The following RECQL5 variants were observed in gnomAD, a reference collection of about 807,000 sequenced individuals.
The protein encoded by RECQL5 is ATP-dependent DNA helicase Q5.
RECQL5 carries 88 observed loss-of-function variants against 103.4 expected under a neutral mutation model. The observed-to-expected ratio is 0.85, with a 90% CI of 0.72 to 1.02. The LOEUF (loss-of-function observed/expected upper bound fraction) is 1.02, where lower values mean the gene tolerates loss of function less well. Ranked by LOEUF, RECQL5 falls within the 50% of genes least tolerant of loss-of-function variation. The pLI, the probability that RECQL5 is intolerant of heterozygous loss-of-function variation, is 0.00. For synonymous variants in RECQL5, 552 were observed against 507.9 expected (o/e 1.09, Z -1.17); for missense variants, 1,232 against 1,284.3 (o/e 0.96, Z 0.62).
intron 2 of RECQL5, among the ~76,000 whole-genome samples, chr17:75,665,390 A>G (rs1294456380): frequency 1.3e-5 from 2 of 152,170 alleles, no homozygotes; most frequent in African/African-American, 4.8e-5. Context: ...AATGGTTAAA[A>G]ACAAGATTTA....
chr17:75,649,500 C>G (rs1207265469), intron 8 of RECQL5: 1 of 355,734 alleles, frequency 2.8e-6, no homozygotes, highest in Non-Finnish European at 3.9e-6. Flanking sequence ...AGAAATGCAC[C>G]CACTTCTGCT....
At position 75,661,621 on chromosome 17, in the gene RECQL5, T is replaced by C; in HGVS notation, c.859A>G (p.Lys287Glu). 6.2e-7 allele frequency: 1 copy of C among 1,614,026 alleles called. No homozygotes were observed. The highest frequency in any genetic ancestry group is 8.5e-7 in the Non-Finnish European group (1 of 1,179,964). Residue 287 changes from lysine (K) to glutamate (E), a missense_variant, in exon 5 of 20, where the codon AAG becomes GAG. By Grantham distance (56) the Lys-to-Glu change is moderately conservative (BLOSUM62 1). Coordinates refer to ENST00000317905, the MANE Select transcript of RECQL5 (RefSeq NM_004259.7). ...IELSCRGVNA[K>E]AYHAGLKASE... is the part of the protein sequence containing the mutation. ...TGCCCCTTACCTGCATGGTAAGCCT[T>C]GGCGTTCACACCCCTGCAGCTGAGC...
intron 9 of RECQL5, 97 bp from the exon 10 acceptor site, chr17:75,631,346 T>G: frequency 6.5e-7 from 1 of 1,530,290 alleles, no homozygotes; most frequent in Non-Finnish European, 9.0e-7. Context: ...TCCTACCAGC[T>G]CAAGGGGGGA....
In RECQL5 at chr17:75,629,740, AC is replaced by A; in HGVS notation, c.1914del (p.Glu638AspfsTer35). 1 of 1,613,262 alleles carries A rather than the reference AC, an allele frequency of 6.2e-7. No individual in the cohort carries two copies. The highest frequency in any genetic ancestry group is 2.2e-5 in the East Asian group (1 of 44,862). On this transcript the variant is annotated frameshift_variant, in exon 15 of 20. Coordinates refer to ENST00000317905, the MANE Select transcript of RECQL5 (RefSeq NM_004259.7). LOFTEE classifies it high-confidence loss of function. ...ACATGGGAGGCTGGTGGAATGTCAT[AC>A]TCATTGGGCTCCGGGGGCTCAGCTT... ...SAQAEPPEPN[E>X]YDIPPASHVY...
At chr17:75,631,402 T>TAG in intron 9 of RECQL5, 48 bp downstream of exon 9, 1 of 1,584,514 alleles carries the variant, frequency 6.3e-7, no homozygotes, top group Non-Finnish European at 8.7e-7. Flanking sequence ...GCCAAGGGAA[T>TAG]GCCAGGCAAT....
intron 7 of RECQL5, among the ~76,000 whole-genome samples, chr17:75,657,324 A>G (rs149887347): frequency 1.0e-3 from 159 of 152,056 alleles, no homozygotes; most frequent in African/African-American, 3.6e-3. Context: ...GTTCGAGGGT[A>G]TACTGTGCTA....
chr17:75,644,861 C>T (rs191561258), intron 8 of RECQL5, among the ~76,000 whole-genome samples: 7 of 152,100 alleles, frequency 4.6e-5, no homozygotes, highest in Admixed American at 3.3e-4. Context: ...CAATTGGGGC[C>T]GGCAGTTAAT....
At chr17:75,631,689 G>T in intron 8 of RECQL5, 21 bp from the exon 9 acceptor site, 2 of 1,604,488 alleles carry the variant, frequency 1.2e-6, no homozygotes, top group Non-Finnish European at 1.7e-6. Context: ...CAGCACCGCA[G>T]AGGTGAGGGG....
At position 75,640,925 on chromosome 17, in the gene RECQL5, G is replaced by A. The variant is rs1449044720; in HGVS notation, c.1230-9257C>T. 46 of 1,538,216 alleles carry A rather than the reference G, an allele frequency of 3.0e-5. No individual in the cohort carries two copies. The highest frequency in any genetic ancestry group is 3.9e-5 in the Admixed American group (2 of 50,952). On this transcript the variant is annotated intron_variant, in intron 8 of 19. Coordinates refer to ENST00000317905, the MANE Select transcript of RECQL5 (RefSeq NM_004259.7). This position sits in a 1 kb window ranked among gnomAD's most constrained non-coding sequence, Gnocchi z 4.6. ...GACGGGCGATGGCTGAGGAGAAGCT[G>A]GAGAGGAGATGGCCAATGCCATGAC...
In RECQL5 at chr17:75,629,455, TC is replaced by T. The variant is rs1357699090; in HGVS notation, c.1967del (p.Gly656GlufsTer17). The T allele has an allele frequency of 6.7e-7, 1 of 1,502,098 alleles. No homozygotes were observed. The highest frequency in any genetic ancestry group is 8.9e-7 in the Non-Finnish European group (1 of 1,126,062). 93.0% of individuals were successfully genotyped at this position (1,502,098 alleles called of 1,614,324 possible). On this transcript the variant is annotated frameshift_variant, in exon 16 of 20. Coordinates refer to ENST00000317905, the MANE Select transcript of RECQL5 (RefSeq NM_004259.7). LOFTEE classifies it high-confidence loss of function. ...HVYSLKPKRV[G>X]AGFPKGSCPF... ...GGCAGGAGCCTTTGGGGAAACCAGC[TC>T]CCACCCGCTTGGGTTTGAGCTGTAA...
chr17:75,629,133 T>C lies in RECQL5; in HGVS notation c.2290A>G (p.Ile764Val), dbSNP rs201921330. 1 of 1,613,818 alleles carries C rather than the reference T, an allele frequency of 6.2e-7. No homozygotes were observed. Among genetic ancestry groups the C allele is most frequent in the Non-Finnish European group, 8.5e-7 (1 of 1,179,998 alleles). Residue 764 changes from isoleucine to valine, a missense_variant, in exon 16 of 20, where the codon ATC (isoleucine) becomes GTC (valine). Coordinates refer to ENST00000317905, the MANE Select transcript of RECQL5 (RefSeq NM_004259.7). ...ATAAHKDSQS[I>V]ARFFCRRVES... ...ACCCTTCGGCAGAAGAAGCGGGCGA[T>C]GCTCTGAGAATCCTTGTGGGCCGCT...
chr17:75,636,959 A>G lies in RECQL5; in HGVS notation c.1230-5291T>C, dbSNP rs974887490. 4 of 152,214 alleles carry G rather than the reference A, an allele frequency of 2.6e-5. No individual in the cohort carries two copies. Among genetic ancestry groups the G allele is most frequent in the Non-Finnish European group, 2.9e-5 (2 of 68,042 alleles). 9.4% of individuals were successfully genotyped at this position (152,214 alleles called of 1,614,324 possible). ...CTAGGGAAGCCCTGGGCGCAAAGCT[A>G]TGACACTGTCCACAGCCGCAGCCTG... On this transcript the variant is annotated intron_variant, in intron 8 of 19. Coordinates refer to ENST00000317905, the MANE Select transcript of RECQL5 (RefSeq NM_004259.7). The surrounding 1 kb of genome is among the most constrained non-coding windows in gnomAD (Gnocchi z 5.4).
chr17:75,643,972 C>A (rs944875144), intron 8 of RECQL5, among the ~76,000 whole-genome samples: 1 of 152,360 alleles, frequency 6.6e-6, no homozygotes, highest in East Asian at 1.9e-4. Context: ...ACTCTGAAGA[C>A]CTGCGTGCCA....
chr17:75,665,335 C>T (rs1004631864), intron 2 of RECQL5, among the ~76,000 whole-genome samples, 163 bp from the exon 3 acceptor site: 26 of 152,172 alleles, frequency 1.7e-4, no homozygotes, highest in African/African-American at 5.8e-4. Context: ...ATGAAAAAGG[C>T]AAGGATCCTG....
intron 3 of RECQL5, 92 bp from the exon 4 acceptor site, chr17:75,663,089 C>T (rs909363685): frequency 1.6e-6 from 2 of 1,215,188 alleles, no homozygotes; most frequent in Non-Finnish European, 2.3e-6. Flanking sequence ...ATAAACTGTC[C>T]TCCTCCCACC....
intron 7 of RECQL5, among the ~76,000 whole-genome samples, chr17:75,657,197 C>T (rs1049528232): frequency 6.6e-5 from 10 of 152,086 alleles, no homozygotes; most frequent in African/African-American, 2.2e-4. Context: ...AACAAGAGCT[C>T]GTCTCTACAA....
intron 6 of RECQL5, among the ~76,000 whole-genome samples, chr17:75,660,732 G>A (rs933082911): frequency 2.0e-5 from 3 of 152,238 alleles, no homozygotes; most frequent in African/African-American, 7.2e-5. Context: ...ACTGCATGCT[G>A]CCCCATCCTG....
At chr17:75,647,239 C>T in intron 8 of RECQL5, 1 of 694,338 alleles carries the variant, frequency 1.4e-6, no homozygotes, top group Non-Finnish European at 2.4e-6. Flanking sequence ...CCTTTCATGT[C>T]CCCTGGCTGC....
intron 7 of RECQL5, among the ~76,000 whole-genome samples, chr17:75,657,383 G>C (rs1456893505): frequency 1.3e-5 from 2 of 152,044 alleles, no homozygotes; most frequent in Non-Finnish European, 2.9e-5. Context: ...GCAACACAGA[G>C]AGACCCCATC....
Sources: allele counts gnomAD v4.1 joint callset (sites outside exome capture counted in the v4.1 genomes callset), GRCh38; gene constraint gnomAD v4.1.1; non-coding constraint Gnocchi (gnomAD v3.1); transcripts MANE v1.5; gene names NCBI Gene and HGNC (gene_info 2026-07-23, HGNC 2026-07-21).